Variants in FAF1 observed in about 807,000 individuals in gnomAD.
The protein encoded by FAF1 is Fas associated factor 1.
FAF1 carries 25 observed loss-of-function variants against 92.5 expected under a neutral mutation model. That is an observed-to-expected ratio of 0.27 (90% CI 0.20 to 0.38). The LOEUF (loss-of-function observed/expected upper bound fraction) is 0.38. Among genes scored for constraint, FAF1 ranks in the 10% least tolerant of loss-of-function variants. The pLI is 1.00. For synonymous variants in FAF1, 234 were observed against 273.2 expected, an observed-to-expected ratio of 0.86 and a Z score of 1.42; for missense variants, 636 against 793.3, an observed-to-expected ratio of 0.80 and a Z score of 2.38.
chr1:50,727,187 A>G (rs1471966997), intron 6 of FAF1, among the ~76,000 whole-genome samples: 1 of 152,162 alleles, frequency 6.6e-6, no homozygotes, highest in Non-Finnish European at 1.5e-5. Context: ...ATTCACTATC[A>G]TGTCACCATA....
At chr1:50,809,649 A>G (rs2124603686) in intron 2 of FAF1, among the ~76,000 whole-genome samples, 1 of 152,358 alleles carries the variant, frequency 6.6e-6, no homozygotes, top group East Asian at 1.9e-4. Flanking sequence ...AAAAAAGGCC[A>G]GGACCAGACA....
intron 15 of FAF1, among the ~76,000 whole-genome samples, chr1:50,515,385 T>A (rs866382716): frequency 3.0e-4 from 46 of 152,224 alleles, no homozygotes; most frequent in Middle Eastern, 6.8e-3. Context: ...AAACCAGTGG[T>A]TCTTAAATTT....
At chr1:50,634,539 C>T (rs1031424240) in intron 8 of FAF1, among the ~76,000 whole-genome samples, 2 of 152,154 alleles carry the variant, frequency 1.3e-5, no homozygotes, top group Non-Finnish European at 2.9e-5. Context: ...AACAACTTTC[C>T]ATTTTTCAGT....
At position 50,959,842 on chromosome 1, in the gene FAF1, C is replaced by A; in HGVS notation, c.-31G>T. 1 of 1,529,004 alleles carries A rather than the reference C, an allele frequency of 6.5e-7. No homozygotes were observed. Among genetic ancestry groups the A allele is most frequent in the Non-Finnish European group, 8.8e-7 (1 of 1,132,134 alleles). The allele number at this position is 1,529,004 out of a possible 1,614,324, so 94.7% of individuals were successfully genotyped here. ...CCGCCGAGTTCCGCGGCTCCGGGAG[C>A]GAAGCGCGCACCTGGGAGGCAGACG... On this transcript the variant is annotated 5_prime_UTR_variant, in exon 1 of 19. Transcript: ENST00000396153.
intron 15 of FAF1, among the ~76,000 whole-genome samples, chr1:50,496,414 A>G (rs997993522): frequency 7.2e-5 from 11 of 152,222 alleles, no homozygotes; most frequent in Admixed American, 5.2e-4. Flanking sequence ...AGCATGTCAG[A>G]AAGAAAGAAA....
chr1:50,835,580 A>G (rs1435699083), intron 2 of FAF1, among the ~76,000 whole-genome samples: 3 of 133,294 alleles, frequency 2.3e-5, no homozygotes, highest in Non-Finnish European at 5.0e-5. Flanking sequence ...CAAAAAAAAA[A>G]AAAAAAAAAA....
intron 8 of FAF1, among the ~76,000 whole-genome samples, chr1:50,638,070 C>A (rs532876784): frequency 6.6e-6 from 1 of 151,860 alleles, no homozygotes; most frequent in Admixed American, 6.6e-5. Flanking sequence ...GATAGAATTG[C>A]GAGTCATATA....
chr1:50,612,431 T>A, intron 8 of FAF1: 1 of 1,130,256 alleles, frequency 8.8e-7, no homozygotes, highest in African/African-American at 1.7e-5. Context: ...TAATCAGTGG[T>A]CATTTCAGCT....
intron 13 of FAF1, among the ~76,000 whole-genome samples, chr1:50,557,113 G>A (rs148130323): frequency 3.9e-5 from 6 of 152,210 alleles, no homozygotes; most frequent in Non-Finnish European, 8.8e-5. Flanking sequence ...GGCAATCAAG[G>A]CTTTTTAATT....
intron 18 of FAF1, among the ~76,000 whole-genome samples, chr1:50,450,257 C>G (rs1004165717): frequency 1.3e-5 from 2 of 150,996 alleles, no homozygotes; most frequent in African/African-American, 4.9e-5. Flanking sequence ...GCTAGTTGTT[C>G]TATATATTAT....
intron 4 of FAF1, among the ~76,000 whole-genome samples, chr1:50,747,899 A>G (rs1181052034): frequency 1.3e-5 from 2 of 152,114 alleles, no homozygotes; most frequent in African/African-American, 4.8e-5. Flanking sequence ...TGCGCTGGCA[A>G]TGTGACGATG....
rs566719341 is a variant in FAF1 at position 50,937,062 on chromosome 1, T to C, written c.45+22705A>G. On this transcript the variant is annotated intron_variant, in intron 1 of 18. Coordinates refer to ENST00000396153, the MANE Select transcript of FAF1 (RefSeq NM_007051.3). ...AGATTCAAGTTGACAAAGTTCTTCA[T>C]TGAGCTGGAGAAATTCAAATGATTG... 7.2e-5 allele frequency among the ~76,000 whole-genome samples: 11 copies of C among 152,186 alleles called. No individual in the cohort carries two copies. The East Asian group carries it at 1.4e-3, about 19-fold the overall frequency.
chr1:50,687,471 C>T (rs931690775), intron 7 of FAF1, among the ~76,000 whole-genome samples: 11 of 151,912 alleles, frequency 7.2e-5, no homozygotes, highest in East Asian at 3.9e-4. Flanking sequence ...CAAAACTGGC[C>T]GGGTGCGATG....
At chr1:50,552,470 T>G (rs1277126247) in intron 13 of FAF1, among the ~76,000 whole-genome samples, 1 of 152,146 alleles carries the variant, frequency 6.6e-6, no homozygotes, top group Admixed American at 6.5e-5. Flanking sequence ...AACAAATAAT[T>G]ATTTAGCATT....
chr1:50,708,190 C>A (rs895425032), intron 6 of FAF1, among the ~76,000 whole-genome samples: 1 of 152,092 alleles, frequency 6.6e-6, no homozygotes, highest in African/African-American at 2.4e-5. Context: ...GCTGCTCTGG[C>A]CACAGTGAGC....
At chr1:50,647,306 C>T (rs1654641353) in intron 8 of FAF1, among the ~76,000 whole-genome samples, 1 of 152,226 alleles carries the variant, frequency 6.6e-6, no homozygotes, top group African/African-American at 2.4e-5. Context: ...TGATACACTG[C>T]TAAATGTTCA....
rs567918889 is a variant in FAF1 at position 50,676,078 on chromosome 1, C to A, written c.658-20550G>T. Among the ~76,000 whole-genome samples the A allele has an allele frequency of 2.6e-5, 4 of 152,288 alleles. No individual in the cohort carries two copies. In the South Asian group the frequency reaches 8.3e-4, roughly 32 times the overall value. Reference sequence around the variant, plus strand: ...CTGCCAGCCATTCCTCCAACCAAGTCTTAATGTTTGGAAATCAATCATATG... The same window carrying A: ...CTGCCAGCCATTCCTCCAACCAAGTATTAATGTTTGGAAATCAATCATATG... On this transcript the variant is annotated intron_variant, in intron 7 of 18. Transcript: ENST00000396153.
intron 2 of FAF1, among the ~76,000 whole-genome samples, chr1:50,837,870 A>G (rs1644222659): frequency 6.6e-6 from 1 of 151,884 alleles, no homozygotes; most frequent in African/African-American, 2.4e-5. Flanking sequence ...CAGCCTCCTG[A>G]GCAGCTGGGA....
At chr1:50,730,025 T>TA (rs1268236668) in intron 6 of FAF1, among the ~76,000 whole-genome samples, 6 of 151,678 alleles carry the variant, frequency 4.0e-5, no homozygotes, top group South Asian at 2.1e-4. Flanking sequence ...TTCTCCAAAA[T>TA]AAAAAAAACA....
Sources: allele counts gnomAD v4.1 joint callset (sites outside exome capture counted in the v4.1 genomes callset), GRCh38; gene constraint gnomAD v4.1.1; transcripts MANE v1.5; gene names NCBI Gene and HGNC (gene_info 2026-07-23, HGNC 2026-07-21).